The following GSE1 variants were observed in gnomAD, a reference collection of about 807,000 sequenced individuals.
GSE1 encodes the protein Gse1 coiled-coil protein.
GSE1 carries 32 observed loss-of-function variants against 112.6 expected under a neutral mutation model. The ratio of observed to expected loss-of-function variants is 0.28; its 90% CI spans 0.21 to 0.38. The LOEUF is 0.38. Among genes scored for constraint, GSE1 ranks in the 10% least tolerant of loss-of-function variants. The pLI is 1.00. For missense variants in GSE1, 2,348 were observed against 1,699.2 expected (o/e 1.38, Z -6.71); for synonymous variants, 1,115 against 735.6 (o/e 1.52, Z -8.35).
intron 1 of GSE1, among the ~76,000 whole-genome samples, chr16:85,250,178 C>A (rs1906309827): frequency 6.6e-6 from 1 of 152,220 alleles, no homozygotes; most frequent in Admixed American, 6.5e-5. Flanking sequence ...CTCGAAGAGA[C>A]CCCTCTTCCC....
At chr16:85,555,750 G>A, upstream of GSE1, 1 of 973,504 alleles carries the variant, frequency 1.0e-6, no homozygotes, top group Non-Finnish European at 1.2e-6. Flanking sequence ...CCTCGCCCTT[G>A]ACATTCAAAT....
chr16:85,498,705 C>T (rs915930130), intron 2 of GSE1, among the ~76,000 whole-genome samples: 6 of 152,362 alleles, frequency 3.9e-5, no homozygotes, highest in Admixed American at 2.6e-4. Context: ...TGGCTGTGAC[C>T]GCAGGGGAGA....
chr16:85,651,180 T>G (rs944654373), intron 3 of GSE1, among the ~76,000 whole-genome samples: 22 of 150,670 alleles, frequency 1.5e-4, no homozygotes, highest in East Asian at 4.0e-4. Context: ...TGCGTCTGTC[T>G]GTGGAGACGG....
At chr16:85,602,541 C>G (rs1314103599) in intron 1 of GSE1, among the ~76,000 whole-genome samples, 1 of 152,086 alleles carries the variant, frequency 6.6e-6, no homozygotes, top group Non-Finnish European at 1.5e-5. Context: ...CCACATCTGT[C>G]CTGGGCCTAG....
intron 2 of GSE1, among the ~76,000 whole-genome samples, chr16:85,437,408 A>C (rs2049274366): frequency 6.6e-6 from 1 of 150,702 alleles, no homozygotes; most frequent in African/African-American, 2.5e-5. Context: ...TGTTGCCAAG[A>C]CCCGGGGCCT....
intron 2 of GSE1, among the ~76,000 whole-genome samples, chr16:85,462,369 A>G (rs2049991113): frequency 6.6e-6 from 1 of 151,836 alleles, no homozygotes; most frequent in Non-Finnish European, 1.5e-5. Context: ...CCCTACCCTC[A>G]GCTTGTTGGT....
intron 14 of GSE1, among the ~76,000 whole-genome samples, chr16:85,669,931 C>T (rs745416655): frequency 7.2e-5 from 11 of 152,366 alleles, no homozygotes; most frequent in South Asian, 4.1e-4. Context: ...TCTCAGCTAC[C>T]GCTCAGCTGT....
At position 85,596,652 on chromosome 16, in the gene GSE1, C is replaced by G. The variant is rs1439721028; in HGVS notation, c.37+40289C>G. Among the ~76,000 whole-genome samples the G allele has an allele frequency of 2.6e-5, 4 of 152,208 alleles. No homozygotes were observed. The East Asian group carries it at 7.7e-4, about 29-fold the overall frequency. On this transcript the variant is annotated intron_variant, in intron 1 of 2. Coordinates refer to the GSE1 transcript ENST00000635906. ...AATTAATGAAATAAAATCTAGAATT[C>G]AGTTCCTTTGTCACACTGGCCACAA...
intron 1 of GSE1, among the ~76,000 whole-genome samples, chr16:85,245,742 G>T (rs1438118734): frequency 2.6e-5 from 4 of 152,140 alleles, no homozygotes; most frequent in African/African-American, 7.2e-5. Context: ...ATTAGAGGGG[G>T]ACGGCAAGAC....
intron 1 of GSE1, among the ~76,000 whole-genome samples, chr16:85,312,043 C>T (rs1458624277): frequency 6.6e-6 from 1 of 152,188 alleles, no homozygotes; most frequent in Non-Finnish European, 1.5e-5. Context: ...CAGGGTGGCC[C>T]AGGCTGGCTT....
chr16:85,606,618 A>G (rs2047714235), upstream of GSE1, among the ~76,000 whole-genome samples: 1 of 152,252 alleles, frequency 6.6e-6, no homozygotes, highest in Non-Finnish European at 1.5e-5. Context: ...TGTGGACAGC[A>G]GTTGAGCCAG....
intron 14 of GSE1, among the ~76,000 whole-genome samples, chr16:85,669,191 C>T (rs759184516): frequency 2.0e-5 from 3 of 152,260 alleles, no homozygotes; most frequent in Non-Finnish European, 4.4e-5. Context: ...AGGTACCCAG[C>T]CTTCATTTTG....
intron 2 of GSE1, among the ~76,000 whole-genome samples, chr16:85,385,694 C>T (rs1019863510): frequency 6.6e-6 from 1 of 152,230 alleles, no homozygotes; most frequent in African/African-American, 2.4e-5. Context: ...CACGTGTTTT[C>T]GCCTCCCCGC....
At chr16:85,631,795 C>T (rs1567682365) in intron 1 of GSE1, among the ~76,000 whole-genome samples, 1 of 152,252 alleles carries the variant, frequency 6.6e-6, no homozygotes, top group African/African-American at 2.4e-5. Context: ...GGCAAAGTAA[C>T]TTGCCCCAAA....
intron 1 of GSE1, among the ~76,000 whole-genome samples, chr16:85,596,612 A>T (rs1201604883): frequency 6.6e-6 from 1 of 152,234 alleles, no homozygotes. Flanking sequence ...ATTTATGCTT[A>T]ATTTTAAAAT....
At chr16:85,402,981 G>A (rs894329332) in intron 2 of GSE1, among the ~76,000 whole-genome samples, 1 of 151,984 alleles carries the variant, frequency 6.6e-6, no homozygotes, top group Non-Finnish European at 1.5e-5. Flanking sequence ...CACAGCATGT[G>A]CGGGTCAGGG....
intron 1 of GSE1, among the ~76,000 whole-genome samples, chr16:85,187,097 C>G (rs1004431200): frequency 6.6e-6 from 1 of 152,206 alleles, no homozygotes; most frequent in Non-Finnish European, 1.5e-5. Flanking sequence ...CTTGAGGTGC[C>G]TCTTGTTTCT....
At chr16:85,351,470 A>G (rs1230918586) in intron 1 of GSE1, among the ~76,000 whole-genome samples, 1 of 152,150 alleles carries the variant, frequency 6.6e-6, no homozygotes, top group African/African-American at 2.4e-5. Flanking sequence ...AGAAGAGGCC[A>G]GTCCACGGAG....
intron 1 of GSE1, among the ~76,000 whole-genome samples, chr16:85,307,133 C>T (rs939537033): frequency 9.4e-5 from 13 of 138,054 alleles, no homozygotes; most frequent in African/African-American, 3.4e-4. Flanking sequence ...TGCCCGCCCC[C>T]GATAGTGGGG....
Sources: gnomAD v4.1 joint callset for allele counts (sites outside exome capture counted in the v4.1 genomes callset) on GRCh38, gnomAD v4.1.1 for gene constraint, MANE v1.5 for transcripts, NCBI Gene and HGNC (gene_info 2026-07-23, HGNC 2026-07-21) for gene names.